Variants in FAM193A observed in about 807,000 individuals in gnomAD.
FAM193A encodes the protein protein FAM193A.
FAM193A carries 22 observed loss-of-function variants against 126.5 expected under a neutral mutation model. The observed-to-expected ratio is 0.17, with a 90% confidence interval of 0.12 to 0.25. FAM193A has a LOEUF of 0.25. Among genes scored for constraint, FAM193A ranks in the 10% least tolerant of loss-of-function variants. The pLI is 1.00. For missense variants in FAM193A, 1,675 were observed against 1,672.8 expected, an observed-to-expected ratio of 1.00 and a Z score of -0.02; for synonymous variants, 761 against 646.8, an observed-to-expected ratio of 1.18 and a Z score of -2.68.
intron 1 of FAM193A, among the ~76,000 whole-genome samples, chr4:2,538,327 G>A (rs1255484219): frequency 1.3e-5 from 2 of 151,436 alleles, no homozygotes; most frequent in African/African-American, 2.4e-5. Context: ...TCAGCCTCTC[G>A]AGTAGCTGGG....
intron 20 of FAM193A, among the ~76,000 whole-genome samples, chr4:2,720,823 A>C (rs1720057131): frequency 6.6e-6 from 1 of 152,206 alleles, no homozygotes; most frequent in African/African-American, 2.4e-5. Context: ...GAAAACATTA[A>C]AGAAGATCTA....
chr4:2,645,961 C>T (rs1031404425), intron 6 of FAM193A, among the ~76,000 whole-genome samples: 2 of 152,132 alleles, frequency 1.3e-5, no homozygotes, highest in African/African-American at 2.4e-5. Flanking sequence ...TTTGTTTTCT[C>T]TGAGCCAGTT....
chr4:2,732,392 A>G lies in FAM193A; in HGVS notation c.*524A>G, dbSNP rs922355202. ...CTGACTTGTAGCCAGCTTGTGTAAG[A>G]TCCCTTGCAGAACGAGAAAGTTAAA... On this transcript the variant is annotated 3_prime_UTR_variant, in exon 21 of 21. Transcript: ENST00000637812. 6.0e-6 allele frequency: 1 copy of G among 166,158 alleles called. No individual in the cohort carries two copies. The highest frequency in any genetic ancestry group is 2.4e-5 in the African/African-American group (1 of 41,590). 10.3% of individuals were successfully genotyped at this position (166,158 alleles called of 1,614,324 possible).
At chr4:2,680,120 C>T (rs1042273704) in intron 13 of FAM193A, among the ~76,000 whole-genome samples, 2 of 152,214 alleles carry the variant, frequency 1.3e-5, no homozygotes, top group Non-Finnish European at 2.9e-5. Context: ...CTTGGCCTCC[C>T]AGAGTGCTGG....
chr4:2,731,419 G>A (rs1206333743), intron 20 of FAM193A, among the ~76,000 whole-genome samples: 1 of 151,784 alleles, frequency 6.6e-6, no homozygotes, highest in Non-Finnish European at 1.5e-5. Context: ...CTCCTAAGTT[G>A]AAGTGATTTG....
At chr4:2,705,990 G>A (rs958180177) in intron 19 of FAM193A, among the ~76,000 whole-genome samples, 3 of 152,062 alleles carry the variant, frequency 2.0e-5, no homozygotes, top group African/African-American at 7.2e-5. Flanking sequence ...AGGATCATTC[G>A]AGCCCAGGAG....
intron 1 of FAM193A, among the ~76,000 whole-genome samples, chr4:2,594,624 G>A (rs918817097): frequency 3.9e-5 from 6 of 152,074 alleles, no homozygotes; most frequent in African/African-American, 7.2e-5. Context: ...CCTCCCTCCA[G>A]CCTCTCCTCA....
chr4:2,657,497 T>C (rs1711853298), intron 7 of FAM193A, among the ~76,000 whole-genome samples: 1 of 152,200 alleles, frequency 6.6e-6, no homozygotes, highest in South Asian at 2.1e-4. Context: ...GGGCACATAA[T>C]GGGCATTCAG....
At chr4:2,567,184 G>A (rs887313481) in intron 1 of FAM193A, among the ~76,000 whole-genome samples, 8 of 150,874 alleles carry the variant, frequency 5.3e-5, no homozygotes, top group Admixed American at 4.0e-4. Context: ...TCCTGACCTC[G>A]TGATCCACCC....
chr4:2,572,165 C>CAAA (rs66899515), intron 1 of FAM193A, among the ~76,000 whole-genome samples: 2 of 108,316 alleles, frequency 1.8e-5, no homozygotes, highest in Non-Finnish European at 3.9e-5. Flanking sequence ...CCTCTGTGTC[C>CAAA]AAAAAAAAAA....
chr4:2,646,397 C>T (rs1745147316), intron 6 of FAM193A, among the ~76,000 whole-genome samples: 1 of 151,984 alleles, frequency 6.6e-6, no homozygotes, highest in South Asian at 2.1e-4. Flanking sequence ...GTCTCGATCT[C>T]CCGACCTCAG....
At position 2,700,317 on chromosome 4, in the gene FAM193A, C is replaced by G. The variant is rs1024805009; in HGVS notation, c.4145C>G (p.Ser1382Cys). ...AAGGCTAAGGTGGTCGACCTCATGT[C>G]CATCACAGAGCAGAAAAGAGAGGAG... ...ESKAKVVDLM[S>C]ITEQKREERK... The change falls in exon 19 of 21, where the codon TCC becomes TGC. Residue 1382 changes from serine to cysteine, a missense_variant. Physicochemically the swap from Ser to Cys is moderately radical, Grantham distance 112. Transcript: ENST00000637812. The G allele has an allele frequency of 6.2e-7, 1 of 1,613,854 alleles. No individual in the cohort carries two copies. The highest frequency in any genetic ancestry group is 8.5e-7 in the Non-Finnish European group (1 of 1,180,000).
At chr4:2,536,083 G>A (rs1397057147), upstream of FAM193A, among the ~76,000 whole-genome samples, 1 of 151,872 alleles carries the variant, frequency 6.6e-6, no homozygotes, top group Non-Finnish European at 1.5e-5. Context: ...GGCGAGGCCA[G>A]GGCCGCGCCG....
At chr4:2,704,447 C>G (rs1185837575) in intron 19 of FAM193A, among the ~76,000 whole-genome samples, 1 of 151,910 alleles carries the variant, frequency 6.6e-6, no homozygotes, top group African/African-American at 2.4e-5. Flanking sequence ...CACCTATAGT[C>G]TCAGCTACTG....
intron 19 of FAM193A, among the ~76,000 whole-genome samples, chr4:2,711,787 C>T (rs1469622841): frequency 1.3e-5 from 2 of 151,842 alleles, no homozygotes; most frequent in African/African-American, 4.8e-5. Flanking sequence ...ATTAGCTGGA[C>T]GTGGTGGCAC....
chr4:2,556,510 C>A (rs1194489642), intron 1 of FAM193A, among the ~76,000 whole-genome samples: 2 of 152,076 alleles, frequency 1.3e-5, no homozygotes, highest in Admixed American at 1.3e-4. Context: ...GGCTGAGATA[C>A]TGTCTTTACA....
chr4:2,731,225 C>A (rs1250912270), intron 20 of FAM193A, among the ~76,000 whole-genome samples: 38 of 103,350 alleles, frequency 3.7e-4, no homozygotes, highest in African/African-American at 1.2e-3. Flanking sequence ...AAAAAAAAAA[C>A]CGGTGTGGTG....
intron 2 of FAM193A, among the ~76,000 whole-genome samples, chr4:2,607,224 A>C: frequency 6.6e-6 from 1 of 152,162 alleles, no homozygotes; most frequent in East Asian, 1.9e-4. Context: ...TATTGCATCA[A>C]GGACATTCTT....
At position 2,695,013 on chromosome 4, in the gene FAM193A, G is replaced by A. The variant is rs749558129; in HGVS notation, c.3160G>A (p.Glu1054Lys). The change falls in exon 17 of 21, where the codon GAG becomes AAG. Residue 1054 changes from glutamate (E) to lysine (K), a missense_variant. Around this residue, in one of 4 missense-constraint regions of FAM193A, gnomAD observed 1,186 missense variants for 1,109.2 expected, o/e 1.07. Coordinates refer to ENST00000637812, the MANE Select transcript of FAM193A (RefSeq NM_001366318.2). The stretch of plus-strand genomic sequence containing the variant: ...CGACCCACAGCAGGATGATGGGGAC[G>A]AGAGTGCAGATGAGGACAGCTGCTC... ...VYDPQQDDGDESADEDSCSEH... is the reference protein window; with the variant it reads ...VYDPQQDDGDKSADEDSCSEH... 5.6e-6 allele frequency: 9 copies of A among 1,610,088 alleles called. No homozygotes were observed. The highest frequency in any genetic ancestry group is 1.1e-5 in the South Asian group (1 of 90,184).
Sources: gnomAD v4.1 joint callset for allele counts (sites outside exome capture counted in the v4.1 genomes callset) on GRCh38, gnomAD v4.1.1 for gene constraint, gnomAD v4.1.1 regional missense constraint, MANE v1.5 for transcripts, NCBI Gene and HGNC (gene_info 2026-07-23, HGNC 2026-07-21) for gene names.